SOHLH2: variants seen among roughly 807,000 people sequenced by gnomAD.
SOHLH2 encodes spermatogenesis- and oogenesis-specific basic helix-loop-helix-containing protein 2.
A neutral mutation model predicts 50.4 loss-of-function variants in SOHLH2; 22 were observed. The observed-to-expected ratio is 0.44, with a 90% CI of 0.31 to 0.62. The LOEUF is 0.62. Ranked by LOEUF, SOHLH2 falls within the 20% of genes least tolerant of loss-of-function variation. The pLI is 0.08. For missense variants in SOHLH2, 412 were observed against 504.4 expected, an observed-to-expected ratio of 0.82 and a Z score of 1.76; for synonymous variants, 185 against 187.3, an observed-to-expected ratio of 0.99 and a Z score of 0.10.
chr13:36,184,818 T>C (rs1242852474), intron 6 of SOHLH2, among the ~76,000 whole-genome samples: 1 of 152,142 alleles, frequency 6.6e-6, no homozygotes. Flanking sequence ...TTGTTACATA[T>C]GCATACATGT....
At chr13:36,182,480 G>A in intron 6 of SOHLH2, 1 of 169,032 alleles carries the variant, frequency 5.9e-6, no homozygotes. Context: ...TTTCACACTG[G>A]TCTCATGGAA....
At chr13:36,190,099 T>A (rs774416091) in intron 5 of SOHLH2, 43 bp from the exon 6 acceptor site, 16 of 1,553,028 alleles carry the variant, frequency 1.0e-5, no homozygotes, top group Middle Eastern at 3.4e-4. Context: ...AAGGGGAAAA[T>A]TGTCGGGCAA....
At chr13:36,189,880 T>C in intron 6 of SOHLH2, 66 bp downstream of exon 6, 1 of 1,433,376 alleles carries the variant, frequency 7.0e-7, no homozygotes, top group Non-Finnish European at 9.3e-7. Context: ...CTACAAAAAA[T>C]TATAAAATTC....
At chr13:36,204,019 C>T (rs1162055408) in intron 1 of SOHLH2, among the ~76,000 whole-genome samples, 2 of 146,330 alleles carry the variant, frequency 1.4e-5, no homozygotes, top group Admixed American at 7.0e-5. Flanking sequence ...GGCGTGATCT[C>T]GGCTCACTGT....
At chr13:36,201,734 T>C in intron 2 of SOHLH2, 145 bp downstream of exon 2, 1 of 1,255,766 alleles carries the variant, frequency 8.0e-7, no homozygotes, top group East Asian at 2.6e-5. Flanking sequence ...CCTCTCAAAG[T>C]GCCAGGATTA....
intron 2 of SOHLH2, among the ~76,000 whole-genome samples, chr13:36,201,206 G>C (rs2138317428): frequency 6.6e-6 from 1 of 152,212 alleles, no homozygotes; most frequent in African/African-American, 2.4e-5. Context: ...TAACAGGACA[G>C]AGAGCTAAGA....
At chr13:36,203,990 G>T (rs144203948) in intron 1 of SOHLH2, among the ~76,000 whole-genome samples, 2 of 127,414 alleles carry the variant, frequency 1.6e-5, no homozygotes, top group Non-Finnish European at 3.1e-5. Flanking sequence ...TCACTCTGTC[G>T]TCCAGGCTGG....
In SOHLH2 at chr13:36,168,614, A is replaced by G. The variant is rs957977283; in HGVS notation, c.*420T>C. ...ACAGTAATTCACAGGGATACTAAAA[A>G]TAAGAATCAAGTTGTAATATCTGTA... On this transcript the variant is annotated 3_prime_UTR_variant, in exon 11 of 11. Coordinates refer to ENST00000379881, the MANE Select transcript of SOHLH2 (RefSeq NM_017826.3). 5.5e-6 allele frequency: 1 copy of G among 181,818 alleles called. No individual in the cohort carries two copies. The highest frequency in any genetic ancestry group is 2.3e-5 in the African/African-American group (1 of 42,856). 11.3% of individuals were successfully genotyped at this position (181,818 alleles called of 1,614,324 possible).
intron 9 of SOHLH2, 57 bp downstream of exon 9, chr13:36,173,635 G>A: frequency 6.2e-7 from 1 of 1,601,328 alleles, no homozygotes; most frequent in South Asian, 1.1e-5. Context: ...GAGCCTGGGG[G>A]TTTGCAGGGC....
chr13:36,191,845 C>T lies in SOHLH2; in HGVS notation c.480G>A (p.Gln160=), dbSNP rs150379359. 6.2e-7 allele frequency: 1 copy of T among 1,613,910 alleles called. No homozygotes were observed. The highest frequency in any genetic ancestry group is 8.5e-7 in the Non-Finnish European group (1 of 1,179,922). The change falls in exon 5 of 11, where the codon CAG becomes CAA. Residue 160 remains glutamine, a synonymous_variant. Transcript: ENST00000379881. ...TGPEELGLPL[Q]RSYSEHLGYF... ...ATCCCAGGTGTTCGCTGTAGGACCT[C>T]TGCAGGGGCAATCCAAGTTCTTCAG...
intron 6 of SOHLH2, among the ~76,000 whole-genome samples, chr13:36,179,889 T>C (rs1314080774): frequency 6.6e-6 from 1 of 152,242 alleles, no homozygotes; most frequent in Non-Finnish European, 1.5e-5. Context: ...AATAATGTCT[T>C]TGTCAGGCTT....
chr13:36,187,579 T>A (rs1887456007), intron 6 of SOHLH2, among the ~76,000 whole-genome samples: 1 of 152,038 alleles, frequency 6.6e-6, no homozygotes, highest in Non-Finnish European at 1.5e-5. Context: ...CTATCCACCA[T>A]CCCATCCCAT....
intron 2 of SOHLH2, among the ~76,000 whole-genome samples, chr13:36,197,085 C>T (rs1887755830): frequency 6.6e-6 from 1 of 152,202 alleles, no homozygotes; most frequent in Non-Finnish European, 1.5e-5. Context: ...CTTTTATCCA[C>T]ACCAACTGAT....
chr13:36,212,637 T>C (rs1210885764), intron 1 of SOHLH2, among the ~76,000 whole-genome samples: 1 of 152,224 alleles, frequency 6.6e-6, no homozygotes, highest in Non-Finnish European at 1.5e-5. Context: ...GAAATATCTT[T>C]TTCTGTTTGA....
At chr13:36,196,111 G>GATAC (rs1887717229) in intron 2 of SOHLH2, among the ~76,000 whole-genome samples, 1 of 149,944 alleles carries the variant, frequency 6.7e-6, no homozygotes. Flanking sequence ...TAGATAGATA[G>GATAC]ATAGATAGAT....
At chr13:36,171,162 T>C (rs1223358763) in intron 9 of SOHLH2, among the ~76,000 whole-genome samples, 3 of 152,118 alleles carry the variant, frequency 2.0e-5, no homozygotes, top group Admixed American at 6.5e-5. Context: ...ATATTCTACA[T>C]GGTAACTAGA....
intron 1 of SOHLH2, among the ~76,000 whole-genome samples, chr13:36,204,204 G>A (rs1320847720): frequency 1.3e-5 from 2 of 152,108 alleles, no homozygotes; most frequent in East Asian, 3.9e-4. Context: ...GCCCACCTTG[G>A]CCTCCCAAAG....
intron 2 of SOHLH2, 73 bp from the exon 3 acceptor site, chr13:36,193,940 T>C: frequency 7.3e-7 from 1 of 1,377,212 alleles, no homozygotes; most frequent in Non-Finnish European, 1.0e-6. Context: ...GAGTTTAGCT[T>C]ATTAGGAACT....
In SOHLH2 at chr13:36,172,874, G is replaced by A. The variant is rs941601015; in HGVS notation, c.1000+818C>T. Among the ~76,000 whole-genome samples the A allele has an allele frequency of 3.9e-4, 60 of 152,264 alleles. 1 individual carries two copies. The highest frequency in any genetic ancestry group is 3.4e-3 in the Middle Eastern group (1 of 294). The stretch of plus-strand genomic sequence containing the variant: ...GAGAGAGGCAGTCCTGTCATCTAGC[G>A]TCTAACATTTAGGTCAAGAGGTCCA... On this transcript the variant is annotated intron_variant, in intron 9 of 10. Coordinates refer to ENST00000379881, the MANE Select transcript of SOHLH2 (RefSeq NM_017826.3).
Sources: allele counts gnomAD v4.1 joint callset (sites outside exome capture counted in the v4.1 genomes callset), GRCh38; gene constraint gnomAD v4.1.1; transcripts MANE v1.5; gene names NCBI Gene and HGNC (gene_info 2026-07-23, HGNC 2026-07-21).